The following UBE2D4 variants were observed in gnomAD, a reference collection of about 807,000 sequenced individuals.
UBE2D4 encodes ubiquitin conjugating enzyme E2 D4, also known as ubiquitin-conjugating enzyme E2 D4.
UBE2D4 carries 17 observed loss-of-function variants against 23.0 expected under a neutral mutation model. The observed-to-expected ratio is 0.74, with a 90% CI of 0.51 to 1.11. The LOEUF is 1.11. UBE2D4 is among the 50% of genes least tolerant of loss of function. The pLI is 0.00. For synonymous variants in UBE2D4, 61 were observed against 69.4 expected (o/e 0.88, Z 0.60); for missense variants, 139 against 181.8 (o/e 0.76, Z 1.35).
intron 1 of UBE2D4, among the ~76,000 whole-genome samples, chr7:43,936,341 T>G (rs186274586): frequency 6.6e-6 from 1 of 152,164 alleles, no homozygotes; most frequent in Non-Finnish European, 1.5e-5. Context: ...AATAACTGAG[T>G]GTGTACCATG....
intron 1 of UBE2D4, among the ~76,000 whole-genome samples, chr7:43,933,871 G>T (rs1438482548): frequency 6.6e-6 from 1 of 152,112 alleles, no homozygotes; most frequent in Non-Finnish European, 1.5e-5. Flanking sequence ...ATAGCTGTCA[G>T]CCAGGTTACC....
intron 6 of UBE2D4, chr7:43,952,168 T>A (rs565408418): frequency 6.3e-6 from 1 of 159,130 alleles, no homozygotes; most frequent in Non-Finnish European, 1.4e-5. Flanking sequence ...ACTTTCCCCA[T>A]GGCAAGCAAT....
chr7:43,941,190 C>T (rs1349892833), intron 2 of UBE2D4: 1 of 152,156 alleles, frequency 6.6e-6, no homozygotes, highest in African/African-American at 2.4e-5. Flanking sequence ...TACTATGAAT[C>T]CATATGAGAC....
intron 4 of UBE2D4, among the ~76,000 whole-genome samples, chr7:43,947,558 G>T (rs1389656855): frequency 6.6e-6 from 1 of 152,162 alleles, no homozygotes; most frequent in African/African-American, 2.4e-5. Flanking sequence ...GTGTATATAT[G>T]CCACATTTTC....
At chr7:43,933,828 G>A (rs1393589642) in intron 1 of UBE2D4, among the ~76,000 whole-genome samples, 3 of 152,088 alleles carry the variant, frequency 2.0e-5, no homozygotes, top group Non-Finnish European at 4.4e-5. Context: ...TTTTTCAAAT[G>A]TTCACGTCTC....
chr7:43,948,437 A>G (rs905984238), intron 4 of UBE2D4, among the ~76,000 whole-genome samples, 195 bp from the exon 5 acceptor site: 2 of 152,226 alleles, frequency 1.3e-5, no homozygotes, highest in African/African-American at 4.8e-5. Flanking sequence ...GGAATGGGTC[A>G]GGGAACTTCT....
chr7:43,934,391 T>C (rs1475355692), intron 1 of UBE2D4, among the ~76,000 whole-genome samples: 3 of 152,004 alleles, frequency 2.0e-5, no homozygotes, highest in Non-Finnish European at 2.9e-5. Flanking sequence ...TGTTGGGCTC[T>C]GAATGGGAAG....
At chr7:43,942,929 C>A (rs759230284) in intron 3 of UBE2D4, 25 bp from the exon 4 acceptor site, 14 of 1,614,014 alleles carry the variant, frequency 8.7e-6, no homozygotes, top group Non-Finnish European at 1.1e-5. Flanking sequence ...ATGCACTGAT[C>A]TCTTTCTGTG....
chr7:43,934,091 T>C (rs1157002582), intron 1 of UBE2D4, among the ~76,000 whole-genome samples: 1 of 152,164 alleles, frequency 6.6e-6, no homozygotes, highest in Non-Finnish European at 1.5e-5. Context: ...AGGGAGCAAA[T>C]ATTTGTTGTT....
Position 43,949,139 on chromosome 7 carries a change from G to A in UBE2D4, c.304+402G>A, listed in dbSNP as rs573550426. On this transcript the variant is annotated intron_variant, in intron 5 of 6. Transcript: ENST00000222402. Reference sequence around the variant, plus strand: ...GAAGGAAGATACAGGGCATGCCTCCGGGGGCCTCGAAGTTGGTGGAGAAAT... The same window carrying A: ...GAAGGAAGATACAGGGCATGCCTCCAGGGGCCTCGAAGTTGGTGGAGAAAT... 2.9e-5 allele frequency: 8 copies of A among 276,960 alleles called. No individual in the cohort carries two copies. In the South Asian group the frequency reaches 7.7e-4, roughly 27 times the overall value. 17.2% of individuals were successfully genotyped at this position (276,960 alleles called of 1,614,324 possible). A position where few individuals can be genotyped will look rare whatever the true frequency, so the allele number is the denominator to read the frequency against.
intron 4 of UBE2D4, among the ~76,000 whole-genome samples, chr7:43,947,481 C>T (rs1258327933): frequency 6.6e-6 from 1 of 152,146 alleles, no homozygotes; most frequent in African/African-American, 2.4e-5. Context: ...TGATGGTTTC[C>T]AGTTTCATCC....
At chr7:43,947,437 T>A (rs1271874415) in intron 4 of UBE2D4, among the ~76,000 whole-genome samples, 1 of 152,208 alleles carries the variant, frequency 6.6e-6, no homozygotes, top group African/African-American at 2.4e-5. Flanking sequence ...GGCCCAGTGT[T>A]TGGTTTTCTG....
intron 1 of UBE2D4, among the ~76,000 whole-genome samples, chr7:43,935,492 T>TTTGGAAAGC (rs1178505585): frequency 2.5e-4 from 38 of 152,166 alleles, no homozygotes; most frequent in Admixed American, 2.4e-3. Flanking sequence ...TATTTTTTTT[T>TTTGGAAAGC]TTGGAAAGCA....
intron 6 of UBE2D4, 33 bp from the exon 7 acceptor site, chr7:43,952,617 G>C: frequency 6.2e-7 from 1 of 1,603,316 alleles, no homozygotes. Flanking sequence ...CATTTCAAGT[G>C]AGGGTGTCAC....
intron 1 of UBE2D4, among the ~76,000 whole-genome samples, chr7:43,932,011 CAG>C (rs2095946814): frequency 7.2e-6 from 1 of 138,794 alleles, no homozygotes; most frequent in Admixed American, 7.3e-5. Context: ...TTTTTTGAGA[CAG>C]AGTCTTGCTC....
rs74450648 is a variant in UBE2D4, at chr7:43,952,530, G to A, written c.399-120G>A. The A allele has an allele frequency of 3.2e-3, 2,805 of 888,348 alleles. 45 individuals are homozygous for A. The African/African-American group carries it at 0.04, about 13-fold the overall frequency. The allele number at this position is 888,348 out of a possible 1,614,324, so 55.0% of individuals were successfully genotyped here. ...CCTTTATTCCACTCACCCATCAGCC[G>A]TAGATGTTTGACAAGCAGCAGCAGC... On this transcript the variant is annotated intron_variant, in intron 6 of 6. Coordinates refer to ENST00000222402, the MANE Select transcript of UBE2D4 (RefSeq NM_015983.4).
intron 4 of UBE2D4, 84 bp from the exon 5 acceptor site, chr7:43,948,548 C>A: frequency 1.1e-6 from 1 of 893,822 alleles, no homozygotes; most frequent in Non-Finnish European, 1.8e-6. Context: ...AGGTACTGCC[C>A]AGCAGCAGCT....
intron 2 of UBE2D4, chr7:43,940,952 A>C (rs1184937843): frequency 2.6e-5 from 4 of 152,198 alleles, no homozygotes; most frequent in Admixed American, 2.6e-4. Context: ...TGTTCTTTTC[A>C]GCACCATTTC....
chr7:43,942,805 C>T (rs373324099), intron 2 of UBE2D4, 21 bp from the exon 3 acceptor site: 67 of 1,613,938 alleles, frequency 4.2e-5, no homozygotes, highest in African/African-American at 1.1e-4. Flanking sequence ...CTTACATGCC[C>T]GTCTCTCTTT....
Sources: allele counts gnomAD v4.1 joint callset (sites outside exome capture counted in the v4.1 genomes callset), GRCh38; gene constraint gnomAD v4.1.1; transcripts MANE v1.5; gene names NCBI Gene and HGNC (gene_info 2026-07-23, HGNC 2026-07-21).